Variants in SNAPC4 observed in about 807,000 individuals in gnomAD.
SNAPC4 encodes the protein small nuclear RNA activating complex polypeptide 4.
Under a neutral mutation model 151.3 loss-of-function variants are expected in SNAPC4, and 127 were observed. That is an observed-to-expected ratio of 0.84 (90% CI 0.73 to 0.97). The LOEUF is 0.97. SNAPC4 is among the 50% of genes least tolerant of loss of function. The pLI, the probability that SNAPC4 is intolerant of heterozygous loss-of-function variation, is 0.00. For synonymous variants in SNAPC4, 1,002 were observed against 824.4 expected (o/e 1.22, Z -3.69); for missense variants, 2,186 against 1,935.0 (o/e 1.13, Z -2.43).
chr9:136,385,460 T>G (rs1833857731), intron 13 of SNAPC4, among the ~76,000 whole-genome samples: 1 of 152,200 alleles, frequency 6.6e-6, no homozygotes. Context: ...GATATCTATG[T>G]AAAAAAGTGC....
Position 136,379,070 on chromosome 9 carries a change from G to A in SNAPC4, c.2757C>T (p.Ser919=). ...TCACAGACGAGGAGACCAGCAGCTGGGACGGGAGCACCACCGGGCCCCGGG... is the reference window on the plus strand; with the variant it reads ...TCACAGACGAGGAGACCAGCAGCTGAGACGGGAGCACCACCGGGCCCCGGG... ...EATRGPVVLP[S]QLLVSSSVIL... The change falls in exon 22 of 24, where the codon TCC becomes TCT. Residue 919 remains serine, a synonymous_variant. Coordinates refer to ENST00000684778, the MANE Select transcript of SNAPC4 (RefSeq NM_003086.4). 1 of 1,580,644 alleles carries A rather than the reference G, an allele frequency of 6.3e-7. No individual in the cohort carries two copies. Among genetic ancestry groups the A allele is most frequent in the Non-Finnish European group, 8.6e-7 (1 of 1,164,038 alleles).
chr9:136,395,873 G>T (rs559259247), intron 3 of SNAPC4, 103 bp from the exon 4 acceptor site: 1 of 1,180,110 alleles, frequency 8.5e-7, no homozygotes, highest in Non-Finnish European at 1.2e-6. Flanking sequence ...CACCGAGGCA[G>T]CTCTGGCATA....
chr9:136,376,299 C>T, intron 23 of SNAPC4, 50 bp downstream of exon 23: 1 of 1,597,918 alleles, frequency 6.3e-7, no homozygotes, highest in Non-Finnish European at 8.5e-7. Context: ...ATCTGGACAC[C>T]ACTCTGTCCC....
In SNAPC4 at chr9:136,378,147, C is replaced by G; in HGVS notation, c.3680G>C (p.Gly1227Ala). The change falls in exon 22 of 24, where the codon GGG (glycine) becomes GCG (alanine). Residue 1227 changes from glycine (G) to alanine (A), a missense_variant. Gly to Ala is a moderately conservative substitution (Grantham distance 60). Coordinates refer to ENST00000684778, the MANE Select transcript of SNAPC4 (RefSeq NM_003086.4). ...EPRGTPGSPS[G>A]TQEPRGPLGL... ...CAGAGGCCCCCTGGGCTCCTGTGTC[C>G]CTGAGGGGGACCCCGGCGTCCCCCT... The G allele has an allele frequency of 6.2e-7, 1 of 1,609,872 alleles. No homozygotes were observed. The highest frequency in any genetic ancestry group is 8.5e-7 in the Non-Finnish European group (1 of 1,179,052).
In SNAPC4 at chr9:136,398,387, G is replaced by C. The variant is rs751939109; in HGVS notation, c.42C>G (p.Ile14Met). The change falls in exon 2 of 24, where the codon ATC becomes ATG. Residue 14 changes from isoleucine (I) to methionine (M), a missense_variant. Transcript: ENST00000684778. ...DAEREKITQEIKELERILDPG... is the reference protein window; with the variant it reads ...DAEREKITQEMKELERILDPG... The stretch of plus-strand genomic sequence containing the variant: ...GATCCAAAATCCTTTCCAGCTCCTT[G>C]ATCTCCTGTGTTATCTTCTCTCTTT... 3.5e-5 allele frequency: 56 copies of C among 1,613,974 alleles called. No individual in the cohort carries two copies. The East Asian group carries it at 1.2e-3, about 36-fold the overall frequency.
At chr9:136,389,379 T>G (rs1446500694) in intron 10 of SNAPC4, among the ~76,000 whole-genome samples, 1 of 151,778 alleles carries the variant, frequency 6.6e-6, no homozygotes, top group African/African-American at 2.4e-5. Flanking sequence ...AGGTTTGCTT[T>G]TTCTGAAAGT....
rs754743424 is a variant in SNAPC4, at chr9:136,395,465, G to A, written c.346-42C>T. 8.1e-6 allele frequency: 13 copies of A among 1,600,412 alleles called. No homozygotes were observed. In the Admixed American group the frequency reaches 2.0e-4, roughly 25 times the overall value. Reference sequence around the variant, plus strand: ...GCAGGGACCCCTCTATGGACCAGCAGCAATGACTCTCCCTGCGGAGGAGAC... The same window carrying A: ...GCAGGGACCCCTCTATGGACCAGCAACAATGACTCTCCCTGCGGAGGAGAC... On this transcript the variant is annotated intron_variant, in intron 4 of 23. Coordinates refer to ENST00000684778, the MANE Select transcript of SNAPC4 (RefSeq NM_003086.4).
Position 136,378,232 on chromosome 9 carries a change from C to G in SNAPC4, c.3595G>C (p.Glu1199Gln). The change falls in exon 22 of 24, where the codon GAA (glutamate) becomes CAA (glutamine). Residue 1199 changes from glutamate to glutamine, a missense_variant. Coordinates refer to ENST00000684778, the MANE Select transcript of SNAPC4 (RefSeq NM_003086.4). ...TSSHADPPEAEPPWSGRLPAF... is the reference protein window; with the variant it reads ...TSSHADPPEAQPPWSGRLPAF... ...GGCAGCCTCCCGGACCAAGGGGGTT[C>G]TGCTTCAGGAGGGTCAGCGTGGGAG... 1 of 1,611,388 alleles carries G rather than the reference C, an allele frequency of 6.2e-7. No homozygotes were observed. Among genetic ancestry groups the G allele is most frequent in the South Asian group, 1.1e-5 (1 of 90,772 alleles).
At chr9:136,393,521 G>C (rs1247002324) in intron 7 of SNAPC4, among the ~76,000 whole-genome samples, 1 of 152,230 alleles carries the variant, frequency 6.6e-6, no homozygotes, top group Admixed American at 6.5e-5. Flanking sequence ...GTAAGGCTGT[G>C]CTGTGCCTTC....
intron 13 of SNAPC4, among the ~76,000 whole-genome samples, chr9:136,385,454 T>C (rs948825584): frequency 2.0e-5 from 3 of 152,234 alleles, no homozygotes; most frequent in East Asian, 1.9e-4. Context: ...TAAACAGATA[T>C]CTATGTAAAA....
chr9:136,390,354 G>T (rs1834025051), intron 10 of SNAPC4, among the ~76,000 whole-genome samples: 1 of 152,074 alleles, frequency 6.6e-6, no homozygotes, highest in Admixed American at 6.5e-5. Flanking sequence ...AGGAGACTGA[G>T]ACCATCCTGG....
At position 136,396,996 on chromosome 9, in the gene SNAPC4, G is replaced by T; in HGVS notation, c.158C>A (p.Pro53His). 3 of 1,612,930 alleles carry T rather than the reference G, an allele frequency of 1.9e-6. No homozygotes were observed. The highest frequency in any genetic ancestry group is 2.5e-6 in the Non-Finnish European group (3 of 1,179,924). ...ADSLPSEDLD[P>H]ADPPISEEER... The stretch of plus-strand genomic sequence containing the variant: ...AGTTACCGAGATCGGGGGATCGGCA[G>T]GATCCAAGTCCTCAGAAGGCAGTGA... Residue 53 changes from proline (P) to histidine (H), a missense_variant, in exon 3 of 24, where the codon CCT (proline) becomes CAT (histidine). By Grantham distance (77) the Pro-to-His change is moderately conservative (BLOSUM62 -2). Coordinates refer to ENST00000684778, the MANE Select transcript of SNAPC4 (RefSeq NM_003086.4).
Position 136,382,093 on chromosome 9 carries a change from C to T in SNAPC4, c.2068-20G>A, listed in dbSNP as rs1029797080. The stretch of plus-strand genomic sequence containing the variant: ...CTCTTTCTGTAAGGAGAAGGCAGCA[C>T]CTGGGGCCCATGGCCAGGCTCGGCC... On this transcript the variant is annotated intron_variant, in intron 17 of 23. Coordinates refer to ENST00000684778, the MANE Select transcript of SNAPC4 (RefSeq NM_003086.4). 6 of 1,567,096 alleles carry T rather than the reference C, an allele frequency of 3.8e-6. No individual in the cohort carries two copies. The Admixed American group carries it at 5.5e-5, about 14-fold the overall frequency.
At chr9:136,384,115 C>A in intron 14 of SNAPC4, 83 bp from the exon 15 acceptor site, 3 of 1,198,960 alleles carry the variant, frequency 2.5e-6, no homozygotes, top group East Asian at 2.5e-5. Flanking sequence ...GGAGACTCGC[C>A]GTGGCCCCAT....
chr9:136,380,669 T>C (rs1833654449), intron 20 of SNAPC4, 71 bp downstream of exon 20: 3 of 856,946 alleles, frequency 3.5e-6, no homozygotes, highest in Non-Finnish European at 5.8e-6. Flanking sequence ...GCAGCCAGCC[T>C]CCGTGGAAAC....
rs765505873 is a variant in SNAPC4 at position 136,377,843 on chromosome 9, G to A, written c.3984C>T (p.Ala1328=). ...LLHKKALEHK[A]TSLVVGGEAE... is the part of the protein sequence containing the mutation. ...CCTCGCCCCCCACCACCAGGGAGGT[G>A]GCCTTGTGCTCCAGGGCCTTCTTGT... The change falls in exon 22 of 24, where the codon GCC becomes GCT. Residue 1328 remains alanine (A), a synonymous_variant. Coordinates refer to ENST00000684778, the MANE Select transcript of SNAPC4 (RefSeq NM_003086.4). 1 of 1,611,506 alleles carries A rather than the reference G, an allele frequency of 6.2e-7. No individual in the cohort carries two copies. Among genetic ancestry groups the A allele is most frequent in the Admixed American group, 1.7e-5 (1 of 60,014 alleles).
Position 136,394,860 on chromosome 9 carries a change from C to A in SNAPC4, c.490G>T (p.Asp164Tyr). 2 of 1,613,852 alleles carry A rather than the reference C, an allele frequency of 1.2e-6. No homozygotes were observed. The highest frequency in any genetic ancestry group is 1.7e-6 in the Non-Finnish European group (2 of 1,179,952). ...CCCTGGGCAGCCTTCTCTCGTGTGT[C>A]CTCGTTGGCAGGTGGCCCCTGTCAG... ...VTGVGPPANE[D>Y]TREKAAQGIK... The change falls in exon 6 of 24, where the codon GAC becomes TAC. Residue 164 changes from aspartate (D) to tyrosine (Y), a missense_variant. Physicochemically the swap from Asp to Tyr is radical, Grantham distance 160. Transcript: ENST00000684778.
intron 2 of SNAPC4, 134 bp downstream of exon 2, chr9:136,398,165 C>T: frequency 1.1e-5 from 9 of 821,392 alleles, no homozygotes; most frequent in Admixed American, 2.9e-5. Flanking sequence ...ACCTCAGCCT[C>T]AGGAGTCCCT....
At chr9:136,387,924 AG>A in intron 11 of SNAPC4, 76 bp from the exon 12 acceptor site, 1 of 875,112 alleles carries the variant, frequency 1.1e-6, no homozygotes, top group South Asian at 1.3e-5. Context: ...TAGGGACAAC[AG>A]GGTCCCGTGG....
Sources: allele counts gnomAD v4.1 joint callset (sites outside exome capture counted in the v4.1 genomes callset), GRCh38; gene constraint gnomAD v4.1.1; transcripts MANE v1.5; gene names NCBI Gene and HGNC (gene_info 2026-07-23, HGNC 2026-07-21).